RAPGEF6: variants seen among roughly 807,000 people sequenced by gnomAD.
RAPGEF6 encodes Rap guanine nucleotide exchange factor 6.
In RAPGEF6, 56 loss-of-function variants were observed where a neutral mutation model predicts 171.4. The observed-to-expected ratio is 0.33, with a 90% CI of 0.26 to 0.41. The LOEUF (loss-of-function observed/expected upper bound fraction) is 0.41. Ranked by LOEUF, RAPGEF6 falls within the 10% of genes least tolerant of loss-of-function variation. The probability of loss-of-function intolerance (pLI) is 1.00; values close to 1 mark genes in which losing one functional copy is unlikely to be tolerated. For missense variants in RAPGEF6, 1,674 were observed against 1,921.4 expected, an observed-to-expected ratio of 0.87 and a Z score of 2.41; for synonymous variants, 692 against 650.1, an observed-to-expected ratio of 1.06 and a Z score of -0.98.
intron 11 of RAPGEF6, among the ~76,000 whole-genome samples, chr5:131,502,307 T>C (rs1263971545): frequency 6.6e-6 from 1 of 152,266 alleles, no homozygotes; most frequent in Non-Finnish European, 1.5e-5. Flanking sequence ...GAATAGAAGT[T>C]TGTATTCAGT....
At chr5:131,497,795 T>C (rs1756731393) in intron 12 of RAPGEF6, among the ~76,000 whole-genome samples, 1 of 152,246 alleles carries the variant, frequency 6.6e-6, no homozygotes, top group Non-Finnish European at 1.5e-5. Flanking sequence ...ATTATGATCC[T>C]ACTTTTATTT....
chr5:131,573,619 A>T (rs1008924262), intron 4 of RAPGEF6, among the ~76,000 whole-genome samples: 1 of 152,114 alleles, frequency 6.6e-6, no homozygotes, highest in African/African-American at 2.4e-5. Flanking sequence ...CAGTTCCCCG[A>T]GAGGATTCCC....
chr5:131,443,714 C>T (rs1752519806), intron 22 of RAPGEF6, among the ~76,000 whole-genome samples: 1 of 152,196 alleles, frequency 6.6e-6, no homozygotes, highest in Non-Finnish European at 1.5e-5. Flanking sequence ...GTCCTATACT[C>T]TCATTAGGCT....
intron 17 of RAPGEF6, among the ~76,000 whole-genome samples, chr5:131,468,941 A>AT (rs1345739836): frequency 6.6e-6 from 1 of 152,246 alleles, no homozygotes; most frequent in African/African-American, 2.4e-5. Context: ...GCACTTATAT[A>AT]ATGAGAAAAC....
intron 11 of RAPGEF6, among the ~76,000 whole-genome samples, chr5:131,501,119 CAAATGGCCA>C (rs1221107019): frequency 1.3e-5 from 2 of 149,650 alleles, no homozygotes; most frequent in Non-Finnish European, 1.5e-5. Flanking sequence ...TCAGCCCGGC[CAAATGGCCA>C]AAATGGCAAA....
chr5:131,540,572 C>T (rs1040908823), intron 6 of RAPGEF6, among the ~76,000 whole-genome samples: 3 of 152,072 alleles, frequency 2.0e-5, no homozygotes, highest in African/African-American at 7.2e-5. Flanking sequence ...TCAAAAGCAA[C>T]AACGACAAAA....
At chr5:131,605,148 A>G (rs984520230) in intron 1 of RAPGEF6, among the ~76,000 whole-genome samples, 4 of 152,202 alleles carry the variant, frequency 2.6e-5, no homozygotes, top group African/African-American at 9.7e-5. Context: ...ATCTACCACT[A>G]AATAAAAAAG....
At chr5:131,607,326 C>T (rs551581183) in intron 1 of RAPGEF6, among the ~76,000 whole-genome samples, 1 of 152,248 alleles carries the variant, frequency 6.6e-6, no homozygotes, top group South Asian at 2.1e-4. Flanking sequence ...GCAGACAGAT[C>T]CTAAAAAATG....
At chr5:131,516,078 T>G (rs1758060203) in intron 7 of RAPGEF6, among the ~76,000 whole-genome samples, 1 of 9,352 alleles carries the variant, frequency 1.1e-4, no homozygotes, top group Non-Finnish European at 2.8e-4. Flanking sequence ...TTTTTTTTTT[T>G]TTTTTTTTTT....
chr5:131,453,859 T>C (rs148534960), intron 20 of RAPGEF6, among the ~76,000 whole-genome samples: 3 of 152,290 alleles, frequency 2.0e-5, no homozygotes, highest in Admixed American at 2.0e-4. Flanking sequence ...TCAAGTTATA[T>C]AAACATATTT....
chr5:131,610,751 T>A (rs1478877234), intron 1 of RAPGEF6, among the ~76,000 whole-genome samples: 3 of 151,978 alleles, frequency 2.0e-5, no homozygotes, highest in Non-Finnish European at 1.5e-5. Flanking sequence ...CACCATCTCT[T>A]GTCTAAGTTT....
rs780226862 is a variant in RAPGEF6, at chr5:131,548,115, G to A, written c.427C>T (p.Arg143Trp). Reference sequence around the variant, plus strand: ...CGCTCTCCTTTATAGTTAATTTTCCGAAATCTTCTTCGGGATTGTCTGGCA... The same window carrying A: ...CGCTCTCCTTTATAGTTAATTTTCCAAAATCTTCTTCGGGATTGTCTGGCA... Reference protein sequence around the residue: ...IPARQSRRRFRKINYKGERQT... With the variant: ...IPARQSRRRFWKINYKGERQT... The change falls in exon 6 of 28, where the codon CGG becomes TGG. Residue 143 changes from arginine to tryptophan, a missense_variant. Transcript: ENST00000509018. 6.2e-5 allele frequency: 100 copies of A among 1,613,898 alleles called. No individual in the cohort carries two copies. The highest frequency in any genetic ancestry group is 7.6e-5 in the Non-Finnish European group (90 of 1,179,918).
At chr5:131,578,615 T>C (rs955608826) in intron 4 of RAPGEF6, among the ~76,000 whole-genome samples, 5 of 152,158 alleles carry the variant, frequency 3.3e-5, no homozygotes, top group Admixed American at 6.5e-5. Context: ...CAACTATCCC[T>C]GTTGCCACTC....
chr5:131,438,013 G>A (rs1018074340), intron 24 of RAPGEF6, among the ~76,000 whole-genome samples: 3 of 151,358 alleles, frequency 2.0e-5, no homozygotes, highest in African/African-American at 7.3e-5. Context: ...TTCTTTCTTC[G>A]TTTCCATAGC....
intron 21 of RAPGEF6, among the ~76,000 whole-genome samples, chr5:131,447,846 T>C (rs1580837205): frequency 6.6e-6 from 1 of 152,248 alleles, no homozygotes; most frequent in African/African-American, 2.4e-5. Flanking sequence ...TATCTTACAC[T>C]GAATGGCAAC....
At chr5:131,603,355 A>G (rs765569348) in intron 2 of RAPGEF6, 28 bp from the exon 3 acceptor site, 64 of 1,414,500 alleles carry the variant, frequency 4.5e-5, no homozygotes, top group Non-Finnish European at 6.1e-5. Flanking sequence ...TGAAGATTTT[A>G]TCTTACATTT....
At position 131,427,233 on chromosome 5, in the gene RAPGEF6, C is replaced by T. The variant is rs181421513; in HGVS notation, c.*33G>A. The T allele has an allele frequency of 3.3e-4, 535 of 1,598,166 alleles. 7 individuals are homozygous for T. In the Admixed American group the frequency reaches 8.7e-3, roughly 26 times the overall value. On this transcript the variant is annotated 3_prime_UTR_variant, in exon 28 of 28. Transcript: ENST00000509018. ...GTGGTTCTTGCCCATTCCTCCACGA[C>T]TTTCAGTGGTTTTCAAATAGGTCAT...
intron 4 of RAPGEF6, among the ~76,000 whole-genome samples, chr5:131,579,306 T>C (rs1015506610): frequency 6.6e-6 from 1 of 152,178 alleles, no homozygotes; most frequent in Admixed American, 6.5e-5. Flanking sequence ...GCAGCAAGAT[T>C]TATTGCAAAA....
chr5:131,579,397 C>T (rs1762797857), intron 4 of RAPGEF6, among the ~76,000 whole-genome samples: 1 of 152,228 alleles, frequency 6.6e-6, no homozygotes, highest in Non-Finnish European at 1.5e-5. Context: ...CTTTTATTCC[C>T]TTATCTGGCC....
Sources: gnomAD v4.1 joint callset for allele counts (sites outside exome capture counted in the v4.1 genomes callset) on GRCh38, gnomAD v4.1.1 for gene constraint, MANE v1.5 for transcripts, NCBI Gene and HGNC (gene_info 2026-07-23, HGNC 2026-07-21) for gene names.